The following MYT1L variants were observed in gnomAD, a reference collection of about 807,000 sequenced individuals.
MYT1L encodes myelin transcription factor 1 like.
Under a neutral mutation model 126.7 loss-of-function variants are expected in MYT1L, and 12 were observed. That is an observed-to-expected ratio of 0.09 (90% CI 0.06 to 0.15). The LOEUF (loss-of-function observed/expected upper bound fraction) is 0.15, where lower values mean the gene tolerates loss of function less well. Among genes scored for constraint, MYT1L ranks in the 10% least tolerant of loss-of-function variants. MYT1L has a pLI of 1.00. For synonymous variants in MYT1L, 541 were observed against 604.2 expected, an observed-to-expected ratio of 0.90 and a Z score of 1.53; for missense variants, 979 against 1,585.2, an observed-to-expected ratio of 0.62 and a Z score of 6.49.
chr2:2,019,350 T>C (rs2064789357), intron 4 of MYT1L, among the ~76,000 whole-genome samples: 1 of 152,180 alleles, frequency 6.6e-6, no homozygotes, highest in African/African-American at 2.4e-5. Context: ...CCTTCTGCCA[T>C]GATTGCGAGG....
intron 2 of MYT1L, among the ~76,000 whole-genome samples, chr2:2,249,170 T>C (rs1326894195): frequency 1.3e-5 from 2 of 151,914 alleles, no homozygotes; most frequent in Non-Finnish European, 2.9e-5. Flanking sequence ...AAAAATAAAT[T>C]TTGCAGGATA....
At chr2:2,003,959 GTTCTTTCCTGCAGGCA>G (rs1410475164) in intron 4 of MYT1L, among the ~76,000 whole-genome samples, 19 of 149,380 alleles carry the variant, frequency 1.3e-4, no homozygotes, top group South Asian at 4.2e-4. Flanking sequence ...TCCTGCATGC[GTTCTTTCCTGCAGGCA>G]TTCTTTCCTG....
intron 3 of MYT1L, among the ~76,000 whole-genome samples, chr2:2,170,772 C>A (rs896654749): frequency 6.6e-6 from 1 of 152,150 alleles, no homozygotes; most frequent in Non-Finnish European, 1.5e-5. Context: ...AAAATGAGAA[C>A]ATGGATAACA....
chr2:2,101,165 A>G (rs1194770331), intron 3 of MYT1L, among the ~76,000 whole-genome samples: 1 of 152,144 alleles, frequency 6.6e-6, no homozygotes, highest in Non-Finnish European at 1.5e-5. Context: ...ATTTCCTGAT[A>G]AGTTTTGAGA....
At chr2:1,878,308 C>T (rs1035838699) in intron 18 of MYT1L, among the ~76,000 whole-genome samples, 1 of 151,642 alleles carries the variant, frequency 6.6e-6, no homozygotes, top group African/African-American at 2.4e-5. Context: ...CTGCATTAAA[C>T]AAAAAAAGAT....
chr2:2,160,371 T>C (rs929169352), intron 3 of MYT1L, among the ~76,000 whole-genome samples: 1 of 152,334 alleles, frequency 6.6e-6, no homozygotes, highest in Non-Finnish European at 1.5e-5. Context: ...GATTTTTATA[T>C]AATAGAAACC....
At chr2:2,025,151 C>T (rs939439713) in intron 4 of MYT1L, among the ~76,000 whole-genome samples, 3 of 152,178 alleles carry the variant, frequency 2.0e-5, no homozygotes, top group Non-Finnish European at 2.9e-5. Context: ...GGGTAGGAGG[C>T]GTGGGGCCCT....
chr2:2,047,501 G>A (rs1574812930), intron 4 of MYT1L, among the ~76,000 whole-genome samples: 1 of 152,184 alleles, frequency 6.6e-6, no homozygotes, highest in South Asian at 2.1e-4. Flanking sequence ...TCCTTCACAA[G>A]TGAAAAGAAA....
intron 3 of MYT1L, among the ~76,000 whole-genome samples, chr2:2,165,895 T>C (rs1179119548): frequency 6.6e-6 from 1 of 151,286 alleles, no homozygotes; most frequent in Non-Finnish European, 1.5e-5. Context: ...TTTATTTTTC[T>C]ACTTTGTAAA....
At chr2:2,199,980 G>A (rs895234060) in intron 2 of MYT1L, among the ~76,000 whole-genome samples, 15 of 152,186 alleles carry the variant, frequency 9.9e-5, no homozygotes, top group Middle Eastern at 3.2e-3. Context: ...AGGAAGCAGC[G>A]TGCAGTGCCA....
chr2:1,953,648 T>C (rs77891517), intron 8 of MYT1L, among the ~76,000 whole-genome samples: 2 of 152,368 alleles, frequency 1.3e-5, no homozygotes, highest in Non-Finnish European at 2.9e-5. Flanking sequence ...CTTTGCCATC[T>C]AATTAATTAT....
At chr2:2,089,482 G>A (rs1262326481) in intron 3 of MYT1L, among the ~76,000 whole-genome samples, 2 of 152,178 alleles carry the variant, frequency 1.3e-5, no homozygotes, top group East Asian at 3.8e-4. Flanking sequence ...CAGAAATCTC[G>A]ATAGTGTTTC....
chr2:1,991,018 C>A (rs923191252), intron 5 of MYT1L, among the ~76,000 whole-genome samples: 2 of 152,200 alleles, frequency 1.3e-5, no homozygotes, highest in Non-Finnish European at 2.9e-5. Flanking sequence ...TCCCTTGCAA[C>A]CTGCACTTCC....
intron 2 of MYT1L, among the ~76,000 whole-genome samples, chr2:2,217,803 A>AT (rs1240778648): frequency 6.6e-6 from 1 of 152,038 alleles, no homozygotes; most frequent in Non-Finnish European, 1.5e-5. Context: ...TCCAACATCC[A>AT]TTTCTGATTT....
At chr2:2,016,628 CAT>C (rs1449713344) in intron 4 of MYT1L, among the ~76,000 whole-genome samples, 1 of 152,250 alleles carries the variant, frequency 6.6e-6, no homozygotes, top group East Asian at 1.9e-4. Flanking sequence ...ACTGGGGAAA[CAT>C]ATGTGAAAGA....
At chr2:2,107,069 G>A (rs527502435) in intron 3 of MYT1L, among the ~76,000 whole-genome samples, 1 of 152,294 alleles carries the variant, frequency 6.6e-6, no homozygotes, top group Admixed American at 6.5e-5. Context: ...GCTGTTGCAC[G>A]AGTATGTCAT....
chr2:2,069,534 G>A (rs1266203904), intron 3 of MYT1L, among the ~76,000 whole-genome samples: 1 of 152,084 alleles, frequency 6.6e-6, no homozygotes, highest in Non-Finnish European at 1.5e-5. Context: ...ATAAATGTAG[G>A]TGTGCATGTG....
chr2:2,291,979 G>T (rs2095606544), intron 1 of MYT1L, among the ~76,000 whole-genome samples: 2 of 152,246 alleles, frequency 1.3e-5, no homozygotes, highest in Non-Finnish European at 2.9e-5. Context: ...GGCGGGGCGG[G>T]TGGCTGTGCC....
chr2:1,941,559 C>T (rs551908925), intron 9 of MYT1L, among the ~76,000 whole-genome samples: 2 of 152,264 alleles, frequency 1.3e-5, no homozygotes, highest in East Asian at 1.9e-4. Context: ...GATTTAATAG[C>T]GATGATGGTA....
Sources: allele counts gnomAD v4.1 joint callset (sites outside exome capture counted in the v4.1 genomes callset), GRCh38; gene constraint gnomAD v4.1.1; transcripts MANE v1.5; gene names NCBI Gene and HGNC (gene_info 2026-07-23, HGNC 2026-07-21).